LYZL1: variants seen among roughly 807,000 people sequenced by gnomAD.
The protein encoded by LYZL1 is lysozyme-like protein 1.
Under a neutral mutation model 17.9 loss-of-function variants are expected in LYZL1, and 16 were observed. The observed-to-expected ratio is 0.90, with a 90% CI of 0.61 to 1.36. The LOEUF (loss-of-function observed/expected upper bound fraction) is 1.36. Among genes scored for constraint, LYZL1 ranks in the 40% most tolerant of loss-of-function variants. The pLI is 0.00. For synonymous variants in LYZL1, 58 were observed against 71.8 expected, an observed-to-expected ratio of 0.81 and a Z score of 0.97; for missense variants, 149 against 188.4, an observed-to-expected ratio of 0.79 and a Z score of 1.22.
chr10:29,306,347 G>A (rs1156555085), intron 3 of LYZL1, among the ~76,000 whole-genome samples: 3 of 137,256 alleles, frequency 2.2e-5, no homozygotes, highest in Non-Finnish European at 4.9e-5. Context: ...TCAGGAGATC[G>A]AGACCATCCC....
At chr10:29,311,243 C>A (rs1024792828), downstream of LYZL1, 33 of 1,475,760 alleles carry the variant, frequency 2.2e-5, no homozygotes, top group African/African-American at 3.7e-4. Flanking sequence ...CGTCTCAGTT[C>A]CAATGATGTC....
At chr10:29,311,367 G>A, downstream of LYZL1, 1 of 634,378 alleles carries the variant, frequency 1.6e-6, no homozygotes, top group Non-Finnish European at 2.2e-6. Context: ...CCCTGAAACT[G>A]CTGCTCATTC....
downstream of LYZL1, among the ~76,000 whole-genome samples, chr10:29,311,908 G>A (rs1835677250): frequency 1.3e-5 from 2 of 152,122 alleles, no homozygotes; most frequent in South Asian, 2.1e-4. Flanking sequence ...ACAGTGAGCC[G>A]AGATCATGCC....
chr10:29,295,441 G>A (rs1286074828), intron 3 of LYZL1, among the ~76,000 whole-genome samples: 1 of 152,130 alleles, frequency 6.6e-6, no homozygotes, highest in East Asian at 1.9e-4. Flanking sequence ...CTCTGTCCCA[G>A]TCAATCTTAT....
At chr10:29,291,302 A>G (rs1459925820) in intron 1 of LYZL1, among the ~76,000 whole-genome samples, 2 of 152,140 alleles carry the variant, frequency 1.3e-5, no homozygotes, top group East Asian at 1.9e-4. Flanking sequence ...TACATTTACT[A>G]TTTGTTAAGT....
At chr10:29,291,487 A>G (rs1588655722) in intron 1 of LYZL1, among the ~76,000 whole-genome samples, 1 of 152,066 alleles carries the variant, frequency 6.6e-6, no homozygotes, top group South Asian at 2.1e-4. Context: ...GGTCAGCAGT[A>G]TAGGGAATGT....
chr10:29,316,474 G>GT (rs1835730785), intron 3 of LYZL1, among the ~76,000 whole-genome samples: 1 of 152,266 alleles, frequency 6.6e-6, no homozygotes, highest in African/African-American at 2.4e-5. Context: ...AGTTTGCACA[G>GT]TTTTTACCAC....
downstream of LYZL1, among the ~76,000 whole-genome samples, chr10:29,316,193 G>T (rs146850823): frequency 3.3e-5 from 5 of 152,198 alleles, no homozygotes; most frequent in African/African-American, 1.2e-4. Flanking sequence ...GGGCAGGAAG[G>T]CAGCTTCACA....
chr10:29,293,694 C>A (rs1835408186), intron 3 of LYZL1, among the ~76,000 whole-genome samples: 1 of 152,076 alleles, frequency 6.6e-6, no homozygotes, highest in African/African-American at 2.4e-5. Context: ...ACCATGGAGC[C>A]AGGCACAGTG....
At chr10:29,298,683 G>A (rs1835477429) in intron 3 of LYZL1, among the ~76,000 whole-genome samples, 1 of 152,182 alleles carries the variant, frequency 6.6e-6, no homozygotes, top group Non-Finnish European at 1.5e-5. Flanking sequence ...GAGGGAGAAA[G>A]GCAAGAGGAA....
intron 3 of LYZL1, among the ~76,000 whole-genome samples, chr10:29,316,472 C>T (rs976106155): frequency 2.0e-5 from 3 of 151,336 alleles, no homozygotes; most frequent in Non-Finnish European, 2.9e-5. Context: ...GCAGTTTGCA[C>T]AGTTTTTACC....
At chr10:29,303,422 C>T (rs567065360) in intron 3 of LYZL1, among the ~76,000 whole-genome samples, 3 of 152,262 alleles carry the variant, frequency 2.0e-5, no homozygotes, top group South Asian at 2.1e-4. Context: ...TATCCGAAAA[C>T]AATTTTTCAT....
At chr10:29,314,497 C>T (rs540305155), downstream of LYZL1, among the ~76,000 whole-genome samples, 7 of 152,248 alleles carry the variant, frequency 4.6e-5, no homozygotes, top group African/African-American at 1.7e-4. Context: ...ACCTGTAGTT[C>T]CAGCTACTCA....
chr10:29,306,796 A>G lies in LYZL1; in HGVS notation c.299-3314A>G, dbSNP rs865876535. On this transcript the variant is annotated intron_variant, in intron 3 of 4. Transcript: ENST00000649382. The stretch of plus-strand genomic sequence containing the variant: ...CACCTCACATAGTTACCGCTTATGT[A>G]TGTGTGTGTGTGTGTGTGTGTGTGT... Among the ~76,000 whole-genome samples, 1,048 of 141,174 alleles carry G rather than the reference A, an allele frequency of 7.4e-3. 9 individuals are homozygous for G. The highest frequency in any genetic ancestry group is 0.026 in the African/African-American group (973 of 37,452). The allele number at this position is 141,174 out of a possible 152,430, so 92.6% of individuals were successfully genotyped here. A position where few individuals can be genotyped will look rare whatever the true frequency, so the allele number is the denominator to read the frequency against.
intron 3 of LYZL1, among the ~76,000 whole-genome samples, chr10:29,298,285 G>A (rs1835471886): frequency 6.6e-6 from 1 of 152,138 alleles, no homozygotes; most frequent in East Asian, 1.9e-4. Flanking sequence ...GCAGGGAGAG[G>A]ACAACCTTCT....
Position 29,292,547 on chromosome 10 carries a change from C to G in LYZL1, c.168C>G (p.Gly56=), listed in dbSNP as rs891279182. The G allele has an allele frequency of 1.2e-6, 2 of 1,614,222 alleles. No homozygotes were observed. Among genetic ancestry groups the G allele is most frequent in the Admixed American group, 3.3e-5 (2 of 60,018 alleles). The part of the protein sequence containing the change: ...NWICMAYYES[G]YNTTAQTVLD... ...TCTGCATGGCATATTATGAGAGCGG[C>G]TACAACACCACAGCCCAGACGGTCC... The change falls in exon 3 of 5, where the codon GGC becomes GGG. Residue 56 remains glycine, a synonymous_variant. Coordinates refer to ENST00000649382, the MANE Select transcript of LYZL1 (RefSeq NM_032517.6).
chr10:29,296,754 C>T (rs1383350406), intron 3 of LYZL1, among the ~76,000 whole-genome samples: 1 of 152,174 alleles, frequency 6.6e-6, no homozygotes, highest in East Asian at 1.9e-4. Flanking sequence ...AAGGAAATTA[C>T]TAATGACTCT....
intron 3 of LYZL1, among the ~76,000 whole-genome samples, chr10:29,300,396 A>G (rs1467806888): frequency 6.6e-6 from 1 of 152,176 alleles, no homozygotes; most frequent in Non-Finnish European, 1.5e-5. Flanking sequence ...ATAACATATG[A>G]GTTTCTTAAC....
intron 3 of LYZL1, among the ~76,000 whole-genome samples, chr10:29,297,899 C>A (rs1486436399): frequency 6.6e-6 from 1 of 152,150 alleles, no homozygotes; most frequent in African/African-American, 2.4e-5. Context: ...GACTTCTCAA[C>A]CACAACACTG....
Sources: gnomAD v4.1 joint callset for allele counts (sites outside exome capture counted in the v4.1 genomes callset) on GRCh38, gnomAD v4.1.1 for gene constraint, MANE v1.5 for transcripts, NCBI Gene and HGNC (gene_info 2026-07-23, HGNC 2026-07-21) for gene names.